Variants in TP63 observed in about 807,000 individuals in gnomAD.
TP63 encodes tumor protein 63.
TP63 carries 17 observed loss-of-function variants against 82.8 expected under a neutral mutation model. The observed-to-expected ratio is 0.21, with a 90% CI of 0.14 to 0.31. The LOEUF (loss-of-function observed/expected upper bound fraction) is 0.31. Among genes scored for constraint, TP63 ranks in the 10% least tolerant of loss-of-function variants. The probability of loss-of-function intolerance (pLI) is 1.00; values close to 1 mark genes in which losing one functional copy is unlikely to be tolerated. For missense variants in TP63, 648 were observed against 895.3 expected, an observed-to-expected ratio of 0.72 and a Z score of 3.52; for synonymous variants, 330 against 321.7, an observed-to-expected ratio of 1.03 and a Z score of -0.28.
At chr3:189,830,392 A>G (rs774371796) in intron 4 of TP63, among the ~76,000 whole-genome samples, 2 of 152,144 alleles carry the variant, frequency 1.3e-5, no homozygotes, top group Non-Finnish European at 2.9e-5. Flanking sequence ...CATTCTATAA[A>G]ATTTGAAAAA....
chr3:189,638,998 T>C (rs549889753), intron 1 of TP63, among the ~76,000 whole-genome samples: 1 of 152,148 alleles, frequency 6.6e-6, no homozygotes, highest in Non-Finnish European at 1.5e-5. Flanking sequence ...AGACTTCACA[T>C]TCTCACTTTA....
At chr3:189,828,576 C>T (rs1464172597) in intron 4 of TP63, among the ~76,000 whole-genome samples, 5 of 152,114 alleles carry the variant, frequency 3.3e-5, no homozygotes, top group African/African-American at 1.2e-4. Flanking sequence ...GAACCACATA[C>T]CTGTAATTGG....
At chr3:189,872,400 AAC>A (rs60097753) in intron 9 of TP63, among the ~76,000 whole-genome samples, 12,353 of 146,782 alleles carry the variant, frequency 0.084, 500 homozygotes, top group African/African-American at 0.1. Context: ...AAGTTTCTCT[AAC>A]ACACACACAC....
chr3:189,681,444 G>A (rs375524227), intron 1 of TP63, among the ~76,000 whole-genome samples: 5 of 152,142 alleles, frequency 3.3e-5, no homozygotes, highest in Admixed American at 1.3e-4. Context: ...ATTACAAGAC[G>A]TATTTCCTAT....
intron 1 of TP63, among the ~76,000 whole-genome samples, chr3:189,655,350 C>G (rs571903038): frequency 2.0e-5 from 3 of 152,206 alleles, no homozygotes; most frequent in African/African-American, 7.2e-5. Flanking sequence ...GGAGAGTGGG[C>G]GTGGTGGCTC....
chr3:189,774,523 G>A (rs975294719), intron 3 of TP63, among the ~76,000 whole-genome samples: 1 of 152,162 alleles, frequency 6.6e-6, no homozygotes, highest in African/African-American at 2.4e-5. Flanking sequence ...GGGCCTTGCA[G>A]TAAGTAGAAC....
At chr3:189,822,476 G>A (rs1728896161) in intron 4 of TP63, among the ~76,000 whole-genome samples, 1 of 152,028 alleles carries the variant, frequency 6.6e-6, no homozygotes. Context: ...TTTCAACTTT[G>A]CATTCAAATA....
At chr3:189,664,361 T>C (rs1714190888) in intron 1 of TP63, among the ~76,000 whole-genome samples, 1 of 152,084 alleles carries the variant, frequency 6.6e-6, no homozygotes, top group South Asian at 2.1e-4. Flanking sequence ...CATAGAAATA[T>C]TTTTTCAAAA....
chr3:189,606,146 C>G, the TP63 span, among the ~76,000 whole-genome samples: 1 of 152,184 alleles, frequency 6.6e-6, no homozygotes, highest in South Asian at 2.1e-4. Context: ...CAAGCTAACT[C>G]TGATGCAGTT....
At position 189,795,518 on chromosome 3, in the gene TP63, T is replaced by G. The variant is rs577981414; in HGVS notation, c.325-12754T>G. On this transcript the variant is annotated intron_variant, in intron 3 of 13. Coordinates refer to ENST00000264731, the MANE Select transcript of TP63 (RefSeq NM_003722.5). ...TGAGAACTGAAATTCAGATGTGGCG[T>G]GAGGGGAGGAAAGACATTCTATGTA... is the stretch of plus-strand genomic sequence containing the variant. Among the ~76,000 whole-genome samples, 5 of 152,002 alleles carry G rather than the reference T, an allele frequency of 3.3e-5. No homozygotes were observed. The South Asian group carries it at 8.3e-4, about 25-fold the overall frequency.
At chr3:189,748,950 T>A (rs1305213752) in intron 3 of TP63, among the ~76,000 whole-genome samples, 1 of 152,082 alleles carries the variant, frequency 6.6e-6, no homozygotes, top group East Asian at 1.9e-4. Flanking sequence ...CACTCTTCAA[T>A]AAGTGGTACT....
chr3:189,789,708 A>T, intron 3 of TP63: 1 of 1,430,164 alleles, frequency 7.0e-7, no homozygotes, highest in Non-Finnish European at 9.2e-7. Context: ...CTTCTTAAGT[A>T]GATTCATATT....
At chr3:189,597,634 G>A in the TP63 span, among the ~76,000 whole-genome samples, 1 of 152,192 alleles carries the variant, frequency 6.6e-6, no homozygotes, top group East Asian at 1.9e-4. Flanking sequence ...CTTAAAAATA[G>A]CTAGAATTGG....
chr3:189,766,411 A>G (rs79004785), intron 3 of TP63, among the ~76,000 whole-genome samples: 2 of 148,264 alleles, frequency 1.3e-5, no homozygotes, highest in African/African-American at 5.2e-5. Context: ...AATACTTCCT[A>G]ATCAGGTTTT....
intron 1 of TP63, among the ~76,000 whole-genome samples, chr3:189,641,883 A>G (rs1261267645): frequency 1.3e-5 from 2 of 152,158 alleles, no homozygotes; most frequent in Non-Finnish European, 2.9e-5. Flanking sequence ...CAGTTTGCAG[A>G]TGAGAAAAAT....
At chr3:189,711,211 A>G (rs1216863327) in intron 1 of TP63, among the ~76,000 whole-genome samples, 1 of 152,120 alleles carries the variant, frequency 6.6e-6, no homozygotes, top group Non-Finnish European at 1.5e-5. Context: ...CCCATCTACA[A>G]TTTGCTTTTC....
At chr3:189,619,167 A>G in the TP63 span, among the ~76,000 whole-genome samples, 1 of 152,166 alleles carries the variant, frequency 6.6e-6, no homozygotes, top group Non-Finnish European at 1.5e-5. Flanking sequence ...CATGACCAGT[A>G]CGTCTTCAGC....
At chr3:189,677,400 A>ATG (rs1715524337) in intron 1 of TP63, among the ~76,000 whole-genome samples, 1 of 137,934 alleles carries the variant, frequency 7.2e-6, no homozygotes, top group African/African-American at 2.6e-5. Context: ...ATATGTGTGT[A>ATG]TATATATACA....
At chr3:189,868,164 A>G (rs187443895) in intron 7 of TP63, among the ~76,000 whole-genome samples, 2 of 152,214 alleles carry the variant, frequency 1.3e-5, no homozygotes, top group African/African-American at 4.8e-5. Context: ...AAAGTGTGCA[A>G]GTCACTTCAT....
Sources: gnomAD v4.1 joint callset for allele counts (sites outside exome capture counted in the v4.1 genomes callset) on GRCh38, gnomAD v4.1.1 for gene constraint, MANE v1.5 for transcripts, NCBI Gene and HGNC (gene_info 2026-07-23, HGNC 2026-07-21) for gene names.